TSC22D1: variants seen among roughly 807,000 people sequenced by gnomAD.
TSC22D1 encodes TSC22 domain family protein 1.
TSC22D1 carries 9 observed loss-of-function variants against 74.2 expected under a neutral mutation model. The observed-to-expected ratio is 0.12, with a 90% CI of 0.07 to 0.21. TSC22D1 has a LOEUF of 0.21. TSC22D1 is among the 10% of genes least tolerant of loss of function. The pLI, the probability that TSC22D1 is intolerant of heterozygous loss-of-function variation, is 1.00. For missense variants in TSC22D1, 1,427 were observed against 1,304.7 expected, an observed-to-expected ratio of 1.09 and a Z score of -1.44; for synonymous variants, 586 against 492.5, an observed-to-expected ratio of 1.19 and a Z score of -2.51.
intron 1 of TSC22D1, among the ~76,000 whole-genome samples, chr13:44,531,953 T>C (rs1880862632): frequency 6.6e-6 from 1 of 152,232 alleles, no homozygotes; most frequent in Admixed American, 6.5e-5. Context: ...TTTAATTATG[T>C]TACTAAACTC....
intron 1 of TSC22D1, among the ~76,000 whole-genome samples, chr13:44,457,011 C>A (rs544631000): frequency 6.6e-6 from 1 of 152,240 alleles, no homozygotes; most frequent in African/African-American, 2.4e-5. Context: ...ATTAACAGAG[C>A]CTATCAAGTA....
At chr13:44,553,396 A>G (rs1882418365) in intron 1 of TSC22D1, among the ~76,000 whole-genome samples, 1 of 152,182 alleles carries the variant, frequency 6.6e-6, no homozygotes, top group African/African-American at 2.4e-5. Context: ...TAGTTTTGAA[A>G]CTTTATAGAT....
At chr13:44,447,765 C>T (rs1875799440) in intron 1 of TSC22D1, among the ~76,000 whole-genome samples, 1 of 150,920 alleles carries the variant, frequency 6.6e-6, no homozygotes, top group Non-Finnish European at 1.5e-5. Flanking sequence ...TGGCTGTCTT[C>T]ACCTTATTTA....
At chr13:44,532,235 GCCTAA>G (rs1880879965) in intron 1 of TSC22D1, among the ~76,000 whole-genome samples, 1 of 152,076 alleles carries the variant, frequency 6.6e-6, no homozygotes, top group African/African-American at 2.4e-5. Context: ...CGGACTACTA[GCCTAA>G]TTTTTAGAAA....
chr13:44,511,844 ATATTT>A (rs1879737704), intron 1 of TSC22D1, among the ~76,000 whole-genome samples: 1 of 152,222 alleles, frequency 6.6e-6, no homozygotes, highest in East Asian at 1.9e-4. Flanking sequence ...GGGCCTGATT[ATATTT>A]GGTTAAGTGA....
rs775350515 is a variant in TSC22D1, at chr13:44,575,834, G to T, written c.241C>A (p.Pro81Thr). 1.2e-6 allele frequency: 2 copies of T among 1,613,850 alleles called. No homozygotes were observed. Among genetic ancestry groups the T allele is most frequent in the East Asian group, 4.5e-5 (2 of 44,840 alleles). ...GAAAGGAGGTTCAGGCTTTGTGGAGGCGGAGGCTGTGGTCCCGACGTAGAA... is the reference window on the plus strand; with the variant it reads ...GAAAGGAGGTTCAGGCTTTGTGGAGTCGGAGGCTGTGGTCCCGACGTAGAA... ...ASSTSGPQPP[P>T]PQSLNLLSQA... Residue 81 changes from proline to threonine, a missense_variant, in exon 1 of 3, where the codon CCT becomes ACT. Physicochemically the swap from Pro to Thr is conservative, Grantham distance 38. Transcript: ENST00000458659.
chr13:44,531,135 G>C (rs1033296295), intron 1 of TSC22D1, among the ~76,000 whole-genome samples: 1 of 152,028 alleles, frequency 6.6e-6, no homozygotes, highest in Non-Finnish European at 1.5e-5. Context: ...ATTAATAATT[G>C]ATCAATACTG....
chr13:44,564,186 A>G (rs554118699), intron 1 of TSC22D1, among the ~76,000 whole-genome samples: 1 of 152,326 alleles, frequency 6.6e-6, no homozygotes, highest in South Asian at 2.1e-4. Flanking sequence ...TTCTTGATTA[A>G]GCAGATTTCT....
intron 1 of TSC22D1, among the ~76,000 whole-genome samples, chr13:44,478,660 C>T (rs1878033890): frequency 6.6e-6 from 1 of 152,084 alleles, no homozygotes; most frequent in South Asian, 2.1e-4. Flanking sequence ...CACCACATTC[C>T]AAAACATAAG....
At chr13:44,439,034 G>C (rs909472541) in intron 1 of TSC22D1, among the ~76,000 whole-genome samples, 1 of 152,120 alleles carries the variant, frequency 6.6e-6, no homozygotes, top group Non-Finnish European at 1.5e-5. Context: ...TAAATTAACT[G>C]AATTTATTCA....
intron 1 of TSC22D1, among the ~76,000 whole-genome samples, chr13:44,554,314 G>A (rs1426911509): frequency 1.3e-5 from 2 of 152,070 alleles, no homozygotes; most frequent in Admixed American, 6.5e-5. Context: ...CAAGACTAAC[G>A]TTCATTAAAC....
chr13:44,466,748 T>A (rs963243331), intron 1 of TSC22D1, among the ~76,000 whole-genome samples: 9 of 149,220 alleles, frequency 6.0e-5, no homozygotes, highest in East Asian at 2.0e-4. Flanking sequence ...CCAGCCTGGG[T>A]GACAGAATGA....
intron 1 of TSC22D1, among the ~76,000 whole-genome samples, chr13:44,439,156 ATTTTCC>A: frequency 6.6e-6 from 1 of 152,204 alleles, no homozygotes; most frequent in Non-Finnish European, 1.5e-5. Context: ...TATTTAACCC[ATTTTCC>A]TATTGAAGGA....
intron 1 of TSC22D1, among the ~76,000 whole-genome samples, chr13:44,553,176 C>T (rs1471323359): frequency 6.6e-6 from 1 of 152,128 alleles, no homozygotes; most frequent in Non-Finnish European, 1.5e-5. Flanking sequence ...TTTCAAGGAA[C>T]ACTGGTTCTC....
intron 1 of TSC22D1, among the ~76,000 whole-genome samples, chr13:44,516,163 T>C (rs1381759048): frequency 6.6e-6 from 1 of 152,148 alleles, no homozygotes; most frequent in African/African-American, 2.4e-5. Context: ...CCCGGAATAA[T>C]ACATTACTTG....
chr13:44,517,852 TATATA>T (rs1156241077), intron 1 of TSC22D1, among the ~76,000 whole-genome samples: 21 of 43,616 alleles, frequency 4.8e-4, no homozygotes, highest in African/African-American at 1.2e-3. Context: ...TATATATATA[TATATA>T]TTTTTTTTTT....
chr13:44,485,200 T>A (rs1878371838), intron 1 of TSC22D1, among the ~76,000 whole-genome samples: 1 of 152,128 alleles, frequency 6.6e-6, no homozygotes, highest in African/African-American at 2.4e-5. Context: ...ATAGAATGCA[T>A]GCTGCCCCCC....
intron 1 of TSC22D1, among the ~76,000 whole-genome samples, chr13:44,455,938 C>T (rs1042236604): frequency 4.0e-5 from 6 of 149,876 alleles, no homozygotes; most frequent in African/African-American, 1.2e-4. Flanking sequence ...CCTGAGCAAG[C>T]CGTAAAGAAA....
chr13:44,450,583 A>G (rs1415908506), intron 1 of TSC22D1, among the ~76,000 whole-genome samples: 2 of 152,196 alleles, frequency 1.3e-5, no homozygotes, highest in Non-Finnish European at 2.9e-5. Flanking sequence ...AGACATTGCA[A>G]CATAGAACTG....
Sources: allele counts gnomAD v4.1 joint callset (sites outside exome capture counted in the v4.1 genomes callset), GRCh38; gene constraint gnomAD v4.1.1; transcripts MANE v1.5; gene names NCBI Gene and HGNC (gene_info 2026-07-23, HGNC 2026-07-21).